FAF1: variants seen among roughly 807,000 people sequenced by gnomAD.
FAF1 encodes the protein FAS-associated factor 1.
In FAF1, 25 loss-of-function variants were observed where a neutral mutation model predicts 92.5. The ratio of observed to expected loss-of-function variants is 0.27; its 90% CI spans 0.20 to 0.38. FAF1 has a LOEUF of 0.38. Among genes scored for constraint, FAF1 ranks in the 10% least tolerant of loss-of-function variants. The pLI, the probability that FAF1 is intolerant of heterozygous loss-of-function variation, is 1.00. For missense variants in FAF1, 636 were observed against 793.3 expected (o/e 0.80, Z 2.38); for synonymous variants, 234 against 273.2 (o/e 0.86, Z 1.42).
intron 1 of FAF1, among the ~76,000 whole-genome samples, chr1:50,905,717 T>G (rs539041708): frequency 2.0e-5 from 3 of 152,358 alleles, no homozygotes; most frequent in Non-Finnish European, 4.4e-5. Flanking sequence ...TCACCCACTT[T>G]TTGATGGGGT....
intron 8 of FAF1, among the ~76,000 whole-genome samples, chr1:50,645,998 A>T (rs944630867): frequency 6.6e-6 from 1 of 152,200 alleles, no homozygotes; most frequent in African/African-American, 2.4e-5. Flanking sequence ...TGAAACTTCT[A>T]ATCTGCAACC....
At chr1:50,662,713 T>G (rs1655435356) in intron 7 of FAF1, among the ~76,000 whole-genome samples, 1 of 69,034 alleles carries the variant, frequency 1.4e-5, no homozygotes. Context: ...TTTTTTTTTT[T>G]GAGACGGAGT....
chr1:50,826,445 G>A (rs1357111943), intron 2 of FAF1, among the ~76,000 whole-genome samples: 1 of 151,958 alleles, frequency 6.6e-6, no homozygotes, highest in Non-Finnish European at 1.5e-5. Context: ...AGCTACTCAG[G>A]AGGCCAAGGC....
chr1:50,707,662 C>T (rs979684705), intron 6 of FAF1, among the ~76,000 whole-genome samples: 1 of 151,292 alleles, frequency 6.6e-6, no homozygotes, highest in African/African-American at 2.4e-5. Context: ...CCACTGCACT[C>T]CAGCCTGGGC....
chr1:50,868,558 C>T (rs1348834368), intron 1 of FAF1, among the ~76,000 whole-genome samples: 1 of 152,078 alleles, frequency 6.6e-6, no homozygotes, highest in Non-Finnish European at 1.5e-5. Context: ...AAATTTACCT[C>T]TAGGCACTGC....
At chr1:50,680,077 T>G (rs1557471406) in intron 7 of FAF1, among the ~76,000 whole-genome samples, 1 of 152,200 alleles carries the variant, frequency 6.6e-6, no homozygotes, top group Non-Finnish European at 1.5e-5. Context: ...TTAATTATAA[T>G]TCAGAATTAG....
intron 15 of FAF1, among the ~76,000 whole-genome samples, chr1:50,519,358 AGGAAGGAAGGAAGGAGGGAG>A (rs1367142429): frequency 9.6e-6 from 1 of 104,270 alleles, no homozygotes; most frequent in Non-Finnish European, 2.0e-5. Context: ...GAAGGAAGGA[AGGAAGGAAGGAAGGAGGGAG>A]GGAGGGAGGG....
chr1:50,486,338 C>T (rs1479192041), intron 17 of FAF1, among the ~76,000 whole-genome samples: 1 of 152,070 alleles, frequency 6.6e-6, no homozygotes, highest in African/African-American at 2.4e-5. Flanking sequence ...TCTAATAATT[C>T]GACTGTGTTC....
chr1:50,638,666 G>C (rs527241011), intron 8 of FAF1, among the ~76,000 whole-genome samples: 8 of 151,966 alleles, frequency 5.3e-5, no homozygotes, highest in African/African-American at 1.9e-4. Context: ...GGTTGGTGTT[G>C]AACTCCTGAC....
chr1:50,558,795 G>A (rs1374990588), intron 13 of FAF1, among the ~76,000 whole-genome samples: 1 of 152,144 alleles, frequency 6.6e-6, no homozygotes, highest in Non-Finnish European at 1.5e-5. Flanking sequence ...AGGAAAATGA[G>A]CTCTTTTTTA....
At chr1:50,847,276 AAC>A (rs1371606541) in intron 2 of FAF1, among the ~76,000 whole-genome samples, 3 of 152,180 alleles carry the variant, frequency 2.0e-5, no homozygotes, top group Admixed American at 1.3e-4. Flanking sequence ...ATTAAAAAAA[AAC>A]AGACTGAGAT....
intron 4 of FAF1, among the ~76,000 whole-genome samples, chr1:50,750,973 CT>C (rs111253797): frequency 5.3e-4 from 77 of 144,000 alleles, no homozygotes; most frequent in East Asian, 1.5e-3. Context: ...AAGTTTAGCT[CT>C]TTTTTTTTTT....
chr1:50,588,027 C>T (rs185929869), intron 9 of FAF1, among the ~76,000 whole-genome samples: 2 of 152,302 alleles, frequency 1.3e-5, no homozygotes, highest in Admixed American at 1.3e-4. Flanking sequence ...TGGCTCATGC[C>T]TGTAATCCCA....
intron 2 of FAF1, among the ~76,000 whole-genome samples, chr1:50,828,880 A>T (rs1418294782): frequency 6.6e-6 from 1 of 152,188 alleles, no homozygotes; most frequent in Non-Finnish European, 1.5e-5. Context: ...AAGCCACAGA[A>T]TAGATGATGA....
chr1:50,758,186 G>A (rs1184718021), intron 4 of FAF1, among the ~76,000 whole-genome samples: 2 of 152,152 alleles, frequency 1.3e-5, no homozygotes, highest in Admixed American at 6.5e-5. Flanking sequence ...CCAAAGTGCT[G>A]GGATTAGAAG....
Position 50,504,975 on chromosome 1 carries a change from A to G in FAF1, c.1495-13174T>C, listed in dbSNP as rs555762399. Among the ~76,000 whole-genome samples the G allele has an allele frequency of 6.6e-5, 10 of 152,332 alleles. No individual in the cohort carries two copies. The South Asian group carries it at 1.9e-3, about 28-fold the overall frequency. ...AAGACCTCCAGGTGACTCCTATCAT[A>G]TGCAGATTAAATTTTGAAAAGCACT... On this transcript the variant is annotated intron_variant, in intron 15 of 18. Transcript: ENST00000396153.
intron 2 of FAF1, among the ~76,000 whole-genome samples, chr1:50,836,170 G>GTTTTTTTGTTTTTTTTTTTT (rs1553144965): frequency 1.7e-4 from 17 of 98,526 alleles, no homozygotes; most frequent in Non-Finnish European, 2.8e-4. Context: ...TTTTGTTTCT[G>GTTTTTTTGTTTTTTTTTTTT]TTTTTTTTTT....
chr1:50,528,325 T>G (rs976828949), intron 15 of FAF1, among the ~76,000 whole-genome samples: 1 of 152,184 alleles, frequency 6.6e-6, no homozygotes, highest in Non-Finnish European at 1.5e-5. Context: ...TAGCAATAGA[T>G]TTTTTACTTT....
chr1:50,534,688 T>C (rs1377785462), intron 15 of FAF1, among the ~76,000 whole-genome samples: 2 of 152,188 alleles, frequency 1.3e-5, no homozygotes, highest in Non-Finnish European at 2.9e-5. Flanking sequence ...CACTGATTGA[T>C]ATACAACTTC....
Sources: gnomAD v4.1 joint callset for allele counts (sites outside exome capture counted in the v4.1 genomes callset) on GRCh38, gnomAD v4.1.1 for gene constraint, MANE v1.5 for transcripts, NCBI Gene and HGNC (gene_info 2026-07-23, HGNC 2026-07-21) for gene names.